Variants in SLC19A1 observed in about 807,000 individuals in gnomAD.
The protein encoded by SLC19A1 is reduced folate transporter.
SLC19A1 carries 37 observed loss-of-function variants against 35.3 expected under a neutral mutation model. The ratio of observed to expected loss-of-function variants is 1.05; its 90% confidence interval spans 0.81 to 1.38. The LOEUF is 1.38. Ranked by LOEUF, SLC19A1 falls within the 40% of genes most tolerant of loss-of-function variation. The pLI, the probability that SLC19A1 is intolerant of heterozygous loss-of-function variation, is 0.00. For missense variants in SLC19A1, 831 were observed against 826.9 expected, an observed-to-expected ratio of 1.00 and a Z score of -0.06; for synonymous variants, 460 against 398.5, an observed-to-expected ratio of 1.15 and a Z score of -1.84.
chr21:45,515,542 G>T lies in SLC19A1; in HGVS notation c.*116C>A. On this transcript the variant is annotated 3_prime_UTR_variant, in exon 6 of 6. Coordinates refer to ENST00000311124, the MANE Select transcript of SLC19A1 (RefSeq NM_194255.4). ...GCACAGGGCAGGGGGAATCCTAGGGGGCCTGCTAGCAGGATAAGCGGAGGC... is the reference window on the plus strand; with the variant it reads ...GCACAGGGCAGGGGGAATCCTAGGGTGCCTGCTAGCAGGATAAGCGGAGGC... 1 of 1,542,436 alleles carries T rather than the reference G, an allele frequency of 6.5e-7. No homozygotes were observed. Among genetic ancestry groups the T allele is most frequent in the Non-Finnish European group, 8.6e-7 (1 of 1,157,500 alleles).
intron 4 of SLC19A1, among the ~76,000 whole-genome samples, chr21:45,528,540 G>A (rs997734731): frequency 2.0e-5 from 3 of 152,086 alleles, no homozygotes; most frequent in South Asian, 2.1e-4. Flanking sequence ...CCATCCTGAC[G>A]GGGAGGAAGC....
chr21:45,504,372 G>GT (rs2037053400), intron 3 of SLC19A1: 2 of 1,591,412 alleles, frequency 1.3e-6, no homozygotes. Flanking sequence ...CCTGTGGCTT[G>GT]TAGGGGTTCA....
At chr21:45,556,051 C>G (rs1458085284) in intron 1 of SLC19A1, among the ~76,000 whole-genome samples, 1 of 152,176 alleles carries the variant, frequency 6.6e-6, no homozygotes, top group Non-Finnish European at 1.5e-5. Flanking sequence ...CAGGTCAAAG[C>G]CGAGAACAGA....
Position 45,538,016 on chromosome 21 carries a change from G to C in SLC19A1, c.-49-8C>G. ...ACGAAGGTGACGCTGTGCCTGGAAG[G>C]AGGGGTGGAGTCAGGGCACCTTGGA... is the stretch of plus-strand genomic sequence containing the variant. On this transcript the variant is annotated splice_region_variant and splice_polypyrimidine_tract_variant and intron_variant, in intron 1 of 5. Coordinates refer to ENST00000311124, the MANE Select transcript of SLC19A1 (RefSeq NM_194255.4). The C allele has an allele frequency of 3.6e-6, 5 of 1,391,064 alleles. No individual in the cohort carries two copies. Among genetic ancestry groups the C allele is most frequent in the Non-Finnish European group, 4.7e-6 (5 of 1,052,710 alleles). The allele number at this position is 1,391,064 out of a possible 1,614,324, so 86.2% of individuals were successfully genotyped here. A position where few individuals can be genotyped will look rare whatever the true frequency, so the allele number is the denominator to read the frequency against.
intron 5 of SLC19A1, among the ~76,000 whole-genome samples, chr21:45,522,335 G>A (rs1241535777): frequency 6.6e-6 from 1 of 152,146 alleles, no homozygotes; most frequent in Non-Finnish European, 1.5e-5. Flanking sequence ...AAAAACTAGT[G>A]GCAACACGGC....
At chr21:45,526,486 C>T (rs927343333) in intron 4 of SLC19A1, among the ~76,000 whole-genome samples, 4 of 151,452 alleles carry the variant, frequency 2.6e-5, no homozygotes, top group Non-Finnish European at 5.9e-5. Context: ...TTCTGAGACT[C>T]GTCAAACAAG....
intron 3 of SLC19A1, chr21:45,506,098 C>A: frequency 7.1e-7 from 1 of 1,408,858 alleles, no homozygotes; most frequent in Non-Finnish European, 9.9e-7. Flanking sequence ...CTTAAACTTT[C>A]AAACTTTTGG....
At chr21:45,505,103 A>T in intron 3 of SLC19A1, 1 of 1,602,344 alleles carries the variant, frequency 6.2e-7, no homozygotes, top group Non-Finnish European at 8.5e-7. Flanking sequence ...GCACGAGGTA[A>T]CCAGGAAGCG....
intron 3 of SLC19A1, chr21:45,506,390 T>C (rs1191899510): frequency 6.0e-6 from 2 of 334,888 alleles, no homozygotes; most frequent in Admixed American, 8.3e-5. Context: ...CCCCGCGTTA[T>C]AAACACCAAG....
intron 1 of SLC19A1, among the ~76,000 whole-genome samples, chr21:45,556,205 G>C (rs2078560191): frequency 6.6e-6 from 1 of 152,228 alleles, no homozygotes; most frequent in South Asian, 2.1e-4. Context: ...GACCAGCAGA[G>C]GTCCTCACGG....
chr21:45,505,440 C>T lies in SLC19A1; in HGVS notation c.498-6828G>A, dbSNP rs768712841. On this transcript the variant is annotated intron_variant, in intron 3 of 4. Transcript: ENST00000417954. ...TGGGCGCCTCCTCAGGGGTAAGTGTCTGGGCAGCCGGCTGGGCACCTGCGT... is the reference window on the plus strand; with the variant it reads ...TGGGCGCCTCCTCAGGGGTAAGTGTTTGGGCAGCCGGCTGGGCACCTGCGT... The T allele has an allele frequency of 9.6e-6, 14 of 1,450,890 alleles. No homozygotes were observed. Among genetic ancestry groups the T allele is most frequent in the Non-Finnish European group, 1.3e-5 (14 of 1,061,902 alleles). 89.9% of individuals were successfully genotyped at this position (1,450,890 alleles called of 1,614,324 possible). A position where few individuals can be genotyped will look rare whatever the true frequency, so the allele number is the denominator to read the frequency against.
intron 1 of SLC19A1, among the ~76,000 whole-genome samples, chr21:45,558,115 G>A (rs1463702820): frequency 2.0e-5 from 3 of 152,248 alleles, no homozygotes. Context: ...TGGTTAGCAC[G>A]TCCCGTGCTG....
At chr21:45,522,053 G>GA (rs1013988829) in intron 5 of SLC19A1, among the ~76,000 whole-genome samples, 10 of 150,786 alleles carry the variant, frequency 6.6e-5, no homozygotes, top group Middle Eastern at 3.4e-3. Context: ...CTACAGAGTT[G>GA]AAAAAAAAAT....
intron 5 of SLC19A1, among the ~76,000 whole-genome samples, chr21:45,518,615 A>G (rs936527627): frequency 6.6e-6 from 1 of 152,236 alleles, no homozygotes; most frequent in African/African-American, 2.4e-5. Context: ...GGAAGTGGCC[A>G]GAGAAAAATG....
At chr21:45,562,145 A>C (rs1305574065) in intron 1 of SLC19A1, among the ~76,000 whole-genome samples, 2 of 150,554 alleles carry the variant, frequency 1.3e-5, no homozygotes, top group Non-Finnish European at 2.9e-5. Context: ...AAAAAAAAAA[A>C]AAAGACAAAT....
At chr21:45,519,462 A>G (rs1221612998) in intron 5 of SLC19A1, among the ~76,000 whole-genome samples, 2 of 151,898 alleles carry the variant, frequency 1.3e-5, no homozygotes, top group East Asian at 1.9e-4. Context: ...AAATATACCA[A>G]GATAGGAAGG....
At chr21:45,527,358 G>A (rs1162890642) in intron 4 of SLC19A1, among the ~76,000 whole-genome samples, 1 of 150,844 alleles carries the variant, frequency 6.6e-6, no homozygotes, top group Non-Finnish European at 1.5e-5. Flanking sequence ...GAGGCAGCCA[G>A]GCAGGGCAGG....
At chr21:45,512,446 A>G, downstream of SLC19A1, 1 of 1,575,248 alleles carries the variant, frequency 6.3e-7, no homozygotes, top group Non-Finnish European at 8.6e-7. Flanking sequence ...GCTCGGAGGA[A>G]GCCCCCACCG....
At chr21:45,526,042 C>T (rs2077605134) in intron 4 of SLC19A1, 84 bp from the exon 5 acceptor site, 2 of 1,484,828 alleles carry the variant, frequency 1.3e-6, no homozygotes, top group Non-Finnish European at 1.8e-6. Flanking sequence ...CGGCTCCCAC[C>T]AGCCCATGAC....
Sources: gnomAD v4.1 joint callset for allele counts (sites outside exome capture counted in the v4.1 genomes callset) on GRCh38, gnomAD v4.1.1 for gene constraint, MANE v1.5 for transcripts, NCBI Gene and HGNC (gene_info 2026-07-23, HGNC 2026-07-21) for gene names.